The following TRNAU1AP variants were observed in gnomAD, a reference collection of about 807,000 sequenced individuals.
The protein encoded by TRNAU1AP is tRNA selenocysteine 1-associated protein 1.
A neutral mutation model predicts 43.3 loss-of-function variants in TRNAU1AP; 33 were observed. The observed-to-expected ratio is 0.76, with a 90% confidence interval of 0.58 to 1.02. TRNAU1AP has a LOEUF of 1.02. Ranked by LOEUF, TRNAU1AP falls within the 50% of genes least tolerant of loss-of-function variation. The probability of loss-of-function intolerance (pLI) is 0.00; values close to 1 mark genes in which losing one functional copy is unlikely to be tolerated. For synonymous variants in TRNAU1AP, 143 were observed against 129.1 expected (o/e 1.11, Z -0.73); for missense variants, 290 against 362.7 (o/e 0.80, Z 1.63).
At chr1:28,560,859 T>C (rs1665389847) in intron 3 of TRNAU1AP, 127 bp downstream of exon 3, 2 of 927,324 alleles carry the variant, frequency 2.2e-6, no homozygotes, top group Non-Finnish European at 1.6e-6. Flanking sequence ...GGCATTGTTA[T>C]CTTTGTAGGC....
At chr1:28,567,930 G>A (rs940783358) in intron 6 of TRNAU1AP, among the ~76,000 whole-genome samples, 1 of 152,152 alleles carries the variant, frequency 6.6e-6, no homozygotes, top group African/African-American at 2.4e-5. Flanking sequence ...TTGGGAGGCT[G>A]AGGTGGGCGG....
intron 4 of TRNAU1AP, among the ~76,000 whole-genome samples, chr1:28,563,606 C>A (rs1244659092): frequency 6.6e-6 from 1 of 151,826 alleles, no homozygotes; most frequent in Non-Finnish European, 1.5e-5. Flanking sequence ...ATCGCTTGAA[C>A]CTGAGAAGCA....
chr1:28,560,404 C>T (rs1235219356), intron 2 of TRNAU1AP, among the ~76,000 whole-genome samples: 1 of 151,920 alleles, frequency 6.6e-6, no homozygotes, highest in Non-Finnish European at 1.5e-5. Context: ...CCTCAGTCTC[C>T]CGAGTAAGCT....
chr1:28,574,793 C>T (rs1013143075), intron 8 of TRNAU1AP: 1 of 152,210 alleles, frequency 6.6e-6, no homozygotes, highest in African/African-American at 2.4e-5. Context: ...AAAATGTTTT[C>T]TGTCAAGAAA....
intron 5 of TRNAU1AP, among the ~76,000 whole-genome samples, chr1:28,566,199 C>T (rs1665533013): frequency 6.6e-6 from 1 of 151,398 alleles, no homozygotes; most frequent in Admixed American, 6.6e-5. Flanking sequence ...CCTGTAGTCA[C>T]AGCTGCTCGG....
At chr1:28,562,064 CAG>C (rs1665422007) in intron 4 of TRNAU1AP, among the ~76,000 whole-genome samples, 2 of 152,180 alleles carry the variant, frequency 1.3e-5, no homozygotes, top group African/African-American at 4.8e-5. Flanking sequence ...GCCTGGGCAA[CAG>C]AGTGAGACCC....
chr1:28,555,230 C>CA (rs760635096), intron 2 of TRNAU1AP, among the ~76,000 whole-genome samples: 24,565 of 122,156 alleles, frequency 0.2, 3,117 homozygotes, highest in African/African-American at 0.4. Context: ...AACTCCATCT[C>CA]AAAAAAAAAA....
intron 3 of TRNAU1AP, 68 bp from the exon 4 acceptor site, chr1:28,561,278 T>C (rs1665398015): frequency 6.2e-7 from 1 of 1,600,036 alleles, no homozygotes; most frequent in African/African-American, 1.3e-5. Flanking sequence ...ATTTCAGTTT[T>C]CTTCAAATAT....
At position 28,578,294 on chromosome 1, in the gene TRNAU1AP, C is replaced by T. The variant is rs1252080864; in HGVS notation, c.*658C>T. ...AGGATTAAGGAAGATAGCTCAAAGC[C>T]AAAGCAGACCCTCCGTGTGAACTTT... is the stretch of plus-strand genomic sequence containing the variant. On this transcript the variant is annotated 3_prime_UTR_variant, in exon 9 of 9. Coordinates refer to ENST00000373830, the MANE Select transcript of TRNAU1AP (RefSeq NM_017846.5). 2.4e-5 allele frequency: 4 copies of T among 164,290 alleles called. No homozygotes were observed. In the East Asian group the frequency reaches 7.1e-4, roughly 29 times the overall value. 10.2% of individuals were successfully genotyped at this position (164,290 alleles called of 1,614,324 possible). A position where few individuals can be genotyped will look rare whatever the true frequency, so the allele number is the denominator to read the frequency against.
At chr1:28,567,724 G>GTCCCATTGT (rs1477901552) in intron 6 of TRNAU1AP, among the ~76,000 whole-genome samples, 2 of 152,164 alleles carry the variant, frequency 1.3e-5, no homozygotes, top group African/African-American at 4.8e-5. Flanking sequence ...TTGCCCAGTA[G>GTCCCATTGT]TCCCATTGTT....
At position 28,553,105 on chromosome 1, in the gene TRNAU1AP, G is replaced by C; in HGVS notation, c.-6G>C. 3 of 1,518,710 alleles carry C rather than the reference G, an allele frequency of 2.0e-6. No homozygotes were observed. 94.1% of individuals were successfully genotyped at this position (1,518,710 alleles called of 1,614,324 possible). A position where few individuals can be genotyped will look rare whatever the true frequency, so the allele number is the denominator to read the frequency against. ...CGCCCGCAAAGCCCCACCCCGGTGC[G>C]CGGGTATGGCGGCCAGCCTGTGGAT... On this transcript the variant is annotated 5_prime_UTR_variant, in exon 1 of 9. Coordinates refer to ENST00000373830, the MANE Select transcript of TRNAU1AP (RefSeq NM_017846.5).
At chr1:28,571,738 A>G (rs901055244) in intron 7 of TRNAU1AP, 129 bp from the exon 8 acceptor site, 4 of 693,176 alleles carry the variant, frequency 5.8e-6, no homozygotes, top group Non-Finnish European at 7.5e-6. Context: ...AGCCGAGATC[A>G]CGCCACTACA....
At chr1:28,553,219 G>T (rs891520580) in intron 1 of TRNAU1AP, 82 bp downstream of exon 1, 47 of 1,372,380 alleles carry the variant, frequency 3.4e-5, no homozygotes, top group Non-Finnish European at 4.5e-5. Context: ...AGTGGGAGGG[G>T]ACTTGGGATC....
At chr1:28,561,557 G>T (rs1665405209) in intron 4 of TRNAU1AP, among the ~76,000 whole-genome samples, 159 bp downstream of exon 4, 1 of 152,144 alleles carries the variant, frequency 6.6e-6, no homozygotes, top group Admixed American at 6.6e-5. Flanking sequence ...TGTGCTTCAT[G>T]CAAGACCCTG....
intron 4 of TRNAU1AP, among the ~76,000 whole-genome samples, chr1:28,563,929 G>A (rs1665477759): frequency 1.3e-5 from 2 of 152,090 alleles, no homozygotes; most frequent in South Asian, 4.1e-4. Flanking sequence ...TATAATAGGA[G>A]TTGGTAAACT....
rs184583395 is a variant in TRNAU1AP, at chr1:28,553,707, G to A, written c.95G>A (p.Ser32Asn). 33 of 1,614,170 alleles carry A rather than the reference G, an allele frequency of 2.0e-5. No homozygotes were observed. In the South Asian group the frequency reaches 2.9e-4, roughly 14 times the overall value. Residue 32 changes from serine (S) to asparagine (N), a missense_variant, in exon 2 of 9, where the codon AGC (serine) becomes AAC (asparagine). By Grantham distance (46) the Ser-to-Asn change is conservative. Transcript: ENST00000373830. Reference protein sequence around the residue: ...AFATMGETVMSVKIIRNRLTG... With the variant: ...AFATMGETVMNVKIIRNRLTG... The stretch of plus-strand genomic sequence containing the variant: ...GCCACCATGGGGGAGACCGTAATGA[G>A]CGTCAAAATTATCCGAAACCGCCTC...
In TRNAU1AP at chr1:28,571,906, G is replaced by T; in HGVS notation, c.727+6G>T. On this transcript the variant is annotated splice_donor_region_variant and intron_variant, in intron 8 of 8. Coordinates refer to ENST00000373830, the MANE Select transcript of TRNAU1AP (RefSeq NM_017846.5). Reference sequence around the variant, plus strand: ...TGGAGATGATGCATTGGAAGGTAAGGGTTCATACGTTCCTTACTCTGTCAG... The same window carrying T: ...TGGAGATGATGCATTGGAAGGTAAGTGTTCATACGTTCCTTACTCTGTCAG... 1 of 1,612,128 alleles carries T rather than the reference G, an allele frequency of 6.2e-7. No individual in the cohort carries two copies. Among genetic ancestry groups the T allele is most frequent in the Non-Finnish European group, 8.5e-7 (1 of 1,178,336 alleles).
intron 5 of TRNAU1AP, among the ~76,000 whole-genome samples, chr1:28,566,055 G>C (rs1295080526): frequency 6.6e-6 from 1 of 152,104 alleles, no homozygotes; most frequent in African/African-American, 2.4e-5. Context: ...GGTGGCTCAC[G>C]CCTGTAATCC....
chr1:28,554,000 C>T (rs1665194336), intron 2 of TRNAU1AP: 1 of 293,102 alleles, frequency 3.4e-6, no homozygotes, highest in Non-Finnish European at 6.7e-6. Context: ...GAGTTTGAGA[C>T]CAGCCTGGCC....
Sources: gnomAD v4.1 joint callset for allele counts (sites outside exome capture counted in the v4.1 genomes callset) on GRCh38, gnomAD v4.1.1 for gene constraint, MANE v1.5 for transcripts, NCBI Gene and HGNC (gene_info 2026-07-23, HGNC 2026-07-21) for gene names.